The following KIAA0825 variants were observed in gnomAD, a reference collection of about 807,000 sequenced individuals.
The protein encoded by KIAA0825 is KIAA0825.
KIAA0825 carries 119 observed loss-of-function variants against 147.6 expected under a neutral mutation model. The ratio of observed to expected loss-of-function variants is 0.81; its 90% CI spans 0.69 to 0.94. The LOEUF (loss-of-function observed/expected upper bound fraction) is 0.94, where lower values mean the gene tolerates loss of function less well. Ranked by LOEUF, KIAA0825 falls within the 40% of genes least tolerant of loss-of-function variation. The pLI, the probability that KIAA0825 is intolerant of heterozygous loss-of-function variation, is 0.00. For synonymous variants in KIAA0825, 470 were observed against 518.1 expected (o/e 0.91, Z 1.26); for missense variants, 1,381 against 1,472.7 (o/e 0.94, Z 1.02).
intron 20 of KIAA0825, among the ~76,000 whole-genome samples, chr5:94,287,889 A>C (rs1777725583): frequency 6.6e-6 from 1 of 152,134 alleles, no homozygotes; most frequent in South Asian, 2.1e-4. Context: ...CTACCTGGGA[A>C]TCCATCGGAC....
Position 94,340,982 on chromosome 5 carries a change from A to G in KIAA0825, c.3710+43386T>C, listed in dbSNP as rs140099277. 1.9e-3 allele frequency among the ~76,000 whole-genome samples: 293 copies of G among 152,284 alleles called. 1 individual carries two copies. The highest frequency in any genetic ancestry group is 7.0e-3 in the African/African-American group (289 of 41,558). ...TTACCTTCCATTCTTTCTAAGCATA[A>G]ATCCACGGATGGGTCCCTGATGATT... On this transcript the variant is annotated intron_variant, in intron 20 of 20. Transcript: ENST00000682413.
intron 5 of KIAA0825, among the ~76,000 whole-genome samples, chr5:94,488,158 A>G (rs557635591): frequency 2.0e-4 from 31 of 152,282 alleles, no homozygotes; most frequent in African/African-American, 7.2e-4. Flanking sequence ...GGCCTCCCAG[A>G]GTGCTGCGAT....
At chr5:94,536,685 C>T (rs114603658) in intron 3 of KIAA0825, among the ~76,000 whole-genome samples, 1,553 of 152,308 alleles carry the variant, frequency 0.01, 30 homozygotes, top group African/African-American at 0.036. Context: ...CAGGGCCTTA[C>T]ACTCTAACCA....
intron 1 of KIAA0825, chr5:94,594,874 T>G: frequency 1.3e-5 from 3 of 237,314 alleles, no homozygotes; most frequent in South Asian, 4.9e-5. Flanking sequence ...AAATAAAAAA[T>G]AGTAGATAAA....
chr5:94,475,414 C>T (rs1184937715), intron 7 of KIAA0825, among the ~76,000 whole-genome samples: 1 of 152,152 alleles, frequency 6.6e-6, no homozygotes. Context: ...GTGAAAGTTA[C>T]CTTTGCCCAT....
chr5:94,312,018 A>C (rs544332269), intron 20 of KIAA0825, among the ~76,000 whole-genome samples: 73 of 151,786 alleles, frequency 4.8e-4, no homozygotes, highest in African/African-American at 1.6e-3. Flanking sequence ...TCCATTAGGC[A>C]CATCTACTTT....
At chr5:94,569,882 A>T (rs1311956520) in intron 2 of KIAA0825, 1 of 161,330 alleles carries the variant, frequency 6.2e-6, no homozygotes, top group East Asian at 1.7e-4. Context: ...AACCTGAAAC[A>T]TTGGTATTAT....
chr5:94,528,800 T>A (rs899927813), intron 3 of KIAA0825, among the ~76,000 whole-genome samples: 16 of 151,698 alleles, frequency 1.1e-4, no homozygotes, highest in Non-Finnish European at 1.8e-4. Flanking sequence ...TTTTTTTTTT[T>A]AAATCTATAA....
chr5:94,480,970 T>A (rs1762435804), intron 6 of KIAA0825, among the ~76,000 whole-genome samples: 1 of 152,158 alleles, frequency 6.6e-6, no homozygotes, highest in Admixed American at 6.6e-5. Flanking sequence ...TTTTTACATT[T>A]GTCTGGAATT....
At chr5:94,587,297 T>C (rs995547866) in intron 1 of KIAA0825, among the ~76,000 whole-genome samples, 13 of 152,142 alleles carry the variant, frequency 8.5e-5, no homozygotes, top group Non-Finnish European at 1.9e-4. Flanking sequence ...GAAAACCCCA[T>C]TGTCTCAGCC....
intron 1 of KIAA0825, among the ~76,000 whole-genome samples, chr5:94,588,208 A>G (rs562112430): frequency 7.9e-5 from 12 of 152,344 alleles, no homozygotes; most frequent in South Asian, 4.1e-4. Context: ...TAATTAAACT[A>G]AAGAGCTTCT....
At chr5:94,160,001 G>C (rs939117833) in intron 20 of KIAA0825, among the ~76,000 whole-genome samples, 12 of 152,162 alleles carry the variant, frequency 7.9e-5, no homozygotes, top group Non-Finnish European at 1.5e-4. Context: ...GAGGAGTGAA[G>C]AGTAAAGTCA....
At chr5:94,234,035 T>C (rs1774885183) in intron 20 of KIAA0825, among the ~76,000 whole-genome samples, 2 of 152,176 alleles carry the variant, frequency 1.3e-5, no homozygotes, top group Admixed American at 6.5e-5. Context: ...ATGTTGGTAA[T>C]CGGCGATATT....
intron 20 of KIAA0825, among the ~76,000 whole-genome samples, chr5:94,278,376 T>C (rs1416914759): frequency 6.6e-6 from 1 of 152,170 alleles, no homozygotes; most frequent in Admixed American, 6.6e-5. Context: ...GCTTGCAACA[T>C]TTCACAATTT....
intron 5 of KIAA0825, among the ~76,000 whole-genome samples, chr5:94,488,253 G>C (rs1763299733): frequency 6.6e-6 from 1 of 152,100 alleles, no homozygotes; most frequent in Non-Finnish European, 1.5e-5. Context: ...AAGACAACCT[G>C]GCCTTTATTT....
intron 20 of KIAA0825, among the ~76,000 whole-genome samples, chr5:94,165,582 A>G (rs1233654989): frequency 2.0e-5 from 3 of 152,198 alleles, no homozygotes; most frequent in Non-Finnish European, 4.4e-5. Context: ...CACTGCTTAC[A>G]AAGATTTGGA....
intron 20 of KIAA0825, among the ~76,000 whole-genome samples, chr5:94,270,925 G>A (rs1233563396): frequency 6.6e-6 from 1 of 152,116 alleles, no homozygotes; most frequent in African/African-American, 2.4e-5. Flanking sequence ...TATCCACAAA[G>A]TTGGAATAAT....
chr5:94,520,757 G>C lies in KIAA0825; in HGVS notation c.461C>G (p.Ser154Cys), dbSNP rs1768022857. The C allele has an allele frequency of 2.5e-6, 4 of 1,613,304 alleles. No individual in the cohort carries two copies. Among genetic ancestry groups the C allele is most frequent in the Middle Eastern group, 1.7e-4 (1 of 6,060 alleles). Reference sequence around the variant, plus strand: ...ATCCCACATAGACTTGACATCCATAGAGGAATTATCTTCAACAGAATGAAG... The same window carrying C: ...ATCCCACATAGACTTGACATCCATACAGGAATTATCTTCAACAGAATGAAG... Reference protein sequence around the residue: ...TSLHSVEDNSSMDVKSMWDDI... With the variant: ...TSLHSVEDNSCMDVKSMWDDI... Residue 154 changes from serine to cysteine, a missense_variant, in exon 5 of 21, where the codon TCT (serine) becomes TGT (cysteine). Transcript: ENST00000682413.
At chr5:94,401,156 A>G (rs1751322799) in intron 16 of KIAA0825, among the ~76,000 whole-genome samples, 1 of 152,094 alleles carries the variant, frequency 6.6e-6, no homozygotes, top group Non-Finnish European at 1.5e-5. Context: ...AAACTAGCTA[A>G]TATCTTAAGG....
Sources: allele counts gnomAD v4.1 joint callset (sites outside exome capture counted in the v4.1 genomes callset), GRCh38; gene constraint gnomAD v4.1.1; transcripts MANE v1.5; gene names NCBI Gene and HGNC (gene_info 2026-07-23, HGNC 2026-07-21).